The following SULF1 variants were observed in gnomAD, a reference collection of about 807,000 sequenced individuals.
SULF1 encodes extracellular sulfatase Sulf-1.
In SULF1, 46 loss-of-function variants were observed where a neutral mutation model predicts 110.5. The observed-to-expected ratio is 0.42, with a 90% CI of 0.33 to 0.53. The LOEUF is 0.53. Ranked by LOEUF, SULF1 falls within the 20% of genes least tolerant of loss-of-function variation. The pLI is 0.12. For missense variants in SULF1, 941 were observed against 1,094.2 expected (o/e 0.86, Z 1.98); for synonymous variants, 371 against 387.1 (o/e 0.96, Z 0.49).
At chr8:69,613,302 GTTT>G (rs368550157) in intron 13 of SULF1, among the ~76,000 whole-genome samples, 1 of 111,162 alleles carries the variant, frequency 9.0e-6, no homozygotes, top group Non-Finnish European at 1.8e-5. Context: ...TACAGATTTG[GTTT>G]TTTTTTTTTT....
chr8:69,593,912 A>G (rs919163321), intron 8 of SULF1, among the ~76,000 whole-genome samples: 3 of 152,198 alleles, frequency 2.0e-5, no homozygotes, highest in Admixed American at 6.5e-5. Flanking sequence ...ATGTCATCAT[A>G]TACACCTGTG....
chr8:69,521,789 G>A (rs1481594340), intron 3 of SULF1, among the ~76,000 whole-genome samples: 1 of 149,752 alleles, frequency 6.7e-6, no homozygotes, highest in Non-Finnish European at 1.5e-5. Flanking sequence ...GAATATATAA[G>A]TTCAAAAGGC....
At chr8:69,575,414 G>A (rs1463617320) in intron 5 of SULF1, among the ~76,000 whole-genome samples, 1 of 151,362 alleles carries the variant, frequency 6.6e-6, no homozygotes, top group Non-Finnish European at 1.5e-5. Flanking sequence ...AACATTTGGT[G>A]AGCTTGCTAG....
At chr8:69,588,219 C>G (rs368339176) in intron 7 of SULF1, among the ~76,000 whole-genome samples, 43 of 152,248 alleles carry the variant, frequency 2.8e-4, no homozygotes, top group South Asian at 2.3e-3. Flanking sequence ...CTGCATCAGC[C>G]CCCCCTGACT....
chr8:69,485,706 C>A (rs933471614), intron 1 of SULF1, among the ~76,000 whole-genome samples: 1 of 152,198 alleles, frequency 6.6e-6, no homozygotes, highest in Non-Finnish European at 1.5e-5. Context: ...TTATACTCTC[C>A]GCCCAATGCC....
intron 3 of SULF1, among the ~76,000 whole-genome samples, chr8:69,514,568 A>C (rs1478646778): frequency 6.6e-6 from 1 of 152,200 alleles, no homozygotes; most frequent in East Asian, 1.9e-4. Flanking sequence ...GTCACATTTC[A>C]AAATATAATC....
At chr8:69,579,125 C>A (rs1208168501) in intron 6 of SULF1, among the ~76,000 whole-genome samples, 1 of 134,584 alleles carries the variant, frequency 7.4e-6, no homozygotes, top group Non-Finnish European at 1.5e-5. Context: ...CGTGCCACTG[C>A]ACTCCAGTCT....
intron 22 of SULF1, among the ~76,000 whole-genome samples, chr8:69,653,245 T>C (rs1195374558): frequency 1.3e-5 from 2 of 152,102 alleles, no homozygotes; most frequent in African/African-American, 4.8e-5. Context: ...AATTTTTAAA[T>C]TTTTATTAGA....
intron 13 of SULF1, among the ~76,000 whole-genome samples, chr8:69,616,702 G>GTGTTTTTTT (rs1809170954): frequency 2.9e-5 from 3 of 104,604 alleles, no homozygotes; most frequent in South Asian, 3.5e-4. Context: ...GTGCCCGGCC[G>GTGTTTTTTT]TTTTTTTTTT....
At chr8:69,565,897 C>T (rs1815844164) in intron 5 of SULF1, among the ~76,000 whole-genome samples, 1 of 152,200 alleles carries the variant, frequency 6.6e-6, no homozygotes, top group Non-Finnish European at 1.5e-5. Context: ...CCCCTCGCCT[C>T]TATCCATGCC....
At chr8:69,469,869 C>T (rs1809009996) in intron 1 of SULF1, among the ~76,000 whole-genome samples, 2 of 152,122 alleles carry the variant, frequency 1.3e-5, no homozygotes, top group African/African-American at 2.4e-5. Context: ...TGGTGAAACC[C>T]CAAGTCTACT....
At chr8:69,537,510 T>A (rs1563509462) in intron 3 of SULF1, among the ~76,000 whole-genome samples, 1 of 152,176 alleles carries the variant, frequency 6.6e-6, no homozygotes, top group Admixed American at 6.5e-5. Context: ...TAAATAGATA[T>A]AAAAATTCTT....
chr8:69,470,135 C>A (rs1215975194), intron 1 of SULF1, among the ~76,000 whole-genome samples: 1 of 152,162 alleles, frequency 6.6e-6, no homozygotes, highest in East Asian at 1.9e-4. Context: ...ATGAGGCCAA[C>A]CAAAGAGTCA....
chr8:69,477,132 A>G (rs139833451), intron 1 of SULF1, among the ~76,000 whole-genome samples: 10 of 152,364 alleles, frequency 6.6e-5, no homozygotes, highest in Admixed American at 2.0e-4. Flanking sequence ...TTCTGGAATT[A>G]GAGAAGTTTG....
intron 19 of SULF1, chr8:69,638,174 A>AT (rs1441397719): frequency 2.1e-5 from 5 of 237,052 alleles, no homozygotes; most frequent in African/African-American, 1.2e-4. Flanking sequence ...AAATTCTGAT[A>AT]TTTTTCTTCT....
chr8:69,503,788 T>C (rs1051158566), intron 3 of SULF1, among the ~76,000 whole-genome samples: 2 of 152,018 alleles, frequency 1.3e-5, no homozygotes, highest in Admixed American at 6.5e-5. Context: ...AAGCCACTTT[T>C]CTTTCTTTCC....
intron 3 of SULF1, among the ~76,000 whole-genome samples, chr8:69,508,897 A>G (rs1227142499): frequency 6.6e-6 from 1 of 152,166 alleles, no homozygotes; most frequent in African/African-American, 2.4e-5. Flanking sequence ...GAGGCGTTAT[A>G]GGTATTGTGA....
intron 3 of SULF1, among the ~76,000 whole-genome samples, chr8:69,552,047 G>A (rs1193471127): frequency 6.6e-6 from 1 of 152,116 alleles, no homozygotes; most frequent in East Asian, 1.9e-4. Flanking sequence ...AGCTGAGATC[G>A]CCGCCACTGC....
intron 2 of SULF1, among the ~76,000 whole-genome samples, chr8:69,498,420 C>A (rs1810534640): frequency 6.6e-6 from 1 of 152,176 alleles, no homozygotes; most frequent in Admixed American, 6.5e-5. Flanking sequence ...CAGATCCTGA[C>A]TGTCCTTTAC....
Sources: gnomAD v4.1 joint callset for allele counts (sites outside exome capture counted in the v4.1 genomes callset) on GRCh38, gnomAD v4.1.1 for gene constraint, MANE v1.5 for transcripts, NCBI Gene and HGNC (gene_info 2026-07-23, HGNC 2026-07-21) for gene names.